C16orf74: variants seen among roughly 807,000 people sequenced by gnomAD.
C16orf74 encodes uncharacterized protein C16orf74.
A neutral mutation model predicts 6.5 loss-of-function variants in C16orf74; 10 were observed. The ratio of observed to expected loss-of-function variants is 1.54; its 90% CI spans 0.95 to 2.61. C16orf74 has a LOEUF of 2.61. Ranked by LOEUF, C16orf74 falls within the 30% of genes most tolerant of loss-of-function variation. C16orf74 has a pLI of 0.00. For missense variants in C16orf74, 141 were observed against 105.9 expected (o/e 1.33, Z -1.45); for synonymous variants, 60 against 42.5 (o/e 1.41, Z -1.60).
intron 1 of C16orf74, among the ~76,000 whole-genome samples, chr16:85,747,969 C>G (rs1240891022): frequency 6.6e-6 from 1 of 151,786 alleles, no homozygotes; most frequent in Non-Finnish European, 1.5e-5. Context: ...TGCCTGTAAT[C>G]CCAGCTACTC....
At position 85,710,144 on chromosome 16, in the gene C16orf74, G is replaced by T. The variant is rs373401837; in HGVS notation, c.172+20C>A. The T allele has an allele frequency of 2.3e-4, 330 of 1,405,510 alleles. 2 individuals are homozygous for T. In the African/African-American group the frequency reaches 4.7e-3, roughly 20 times the overall value. 87.1% of individuals were successfully genotyped at this position (1,405,510 alleles called of 1,614,324 possible). On this transcript the variant is annotated intron_variant, in intron 3 of 3. Coordinates refer to ENST00000284245, the MANE Select transcript of C16orf74 (RefSeq NM_206967.3). Reference sequence around the variant, plus strand: ...GCCCCCACAGCCGACCCGGCTTGGCGGTGGAGGGGACGGCCTCACCTGTGC... The same window carrying T: ...GCCCCCACAGCCGACCCGGCTTGGCTGTGGAGGGGACGGCCTCACCTGTGC...
intron 2 of C16orf74, among the ~76,000 whole-genome samples, chr16:85,720,771 C>CAAA (rs57419341): frequency 2.5e-5 from 2 of 81,474 alleles, no homozygotes; most frequent in Admixed American, 1.4e-4. Flanking sequence ...GATCCTGCCT[C>CAAA]AAAAAAAAAA....
intron 2 of C16orf74, among the ~76,000 whole-genome samples, chr16:85,726,701 T>C (rs1270638210): frequency 6.6e-6 from 1 of 152,106 alleles, no homozygotes. Context: ...TGCTGAAATG[T>C]ATTAGTGGAA....
At chr16:85,717,514 G>T (rs975000787) in intron 2 of C16orf74, among the ~76,000 whole-genome samples, 1 of 152,236 alleles carries the variant, frequency 6.6e-6, no homozygotes, top group African/African-American at 2.4e-5. Flanking sequence ...GGAAGTGCCA[G>T]GTGTGGGGTG....
chr16:85,719,388 A>G (rs2054056729), intron 2 of C16orf74, among the ~76,000 whole-genome samples: 4 of 152,158 alleles, frequency 2.6e-5, no homozygotes, highest in African/African-American at 9.7e-5. Flanking sequence ...CAGTGATTCA[A>G]GCTATCACTG....
intron 2 of C16orf74, among the ~76,000 whole-genome samples, chr16:85,721,709 C>T (rs961212126): frequency 6.6e-6 from 1 of 152,212 alleles, no homozygotes. Flanking sequence ...TTCACTGCAA[C>T]AATAACTGGG....
chr16:85,734,503 C>T lies in C16orf74; in HGVS notation c.28+687G>A, dbSNP rs1408717069. On this transcript the variant is annotated intron_variant, in intron 2 of 3. Coordinates refer to ENST00000284245, the MANE Select transcript of C16orf74 (RefSeq NM_206967.3). ...GAAGCTTGGCACTCACACCACTGGC[C>T]ATGGGACACCTGGAGCCAGAGGCGG... 2.0e-5 allele frequency among the ~76,000 whole-genome samples: 3 copies of T among 152,228 alleles called. No homozygotes were observed. In the South Asian group the frequency reaches 6.2e-4, roughly 32 times the overall value.
chr16:85,709,800 A>G (rs2053949601), intron 3 of C16orf74, among the ~76,000 whole-genome samples: 1 of 152,204 alleles, frequency 6.6e-6, no homozygotes, highest in South Asian at 2.1e-4. Context: ...CTGTCCGGCC[A>G]AACTGCAGCG....
intron 3 of C16orf74, 28 bp downstream of exon 3, chr16:85,710,136 G>T: frequency 7.2e-7 from 1 of 1,396,940 alleles, no homozygotes; most frequent in Non-Finnish European, 9.3e-7. Context: ...CAGCCGACCC[G>T]GCTTGGCGGT....
At chr16:85,732,965 G>C (rs772825908) in intron 2 of C16orf74, among the ~76,000 whole-genome samples, 31 of 152,188 alleles carry the variant, frequency 2.0e-4, no homozygotes, top group Non-Finnish European at 2.9e-5. Context: ...ACTCGTGAGG[G>C]GCCGAGGGTG....
At chr16:85,716,837 T>C (rs1214133616) in intron 2 of C16orf74, among the ~76,000 whole-genome samples, 1 of 152,090 alleles carries the variant, frequency 6.6e-6, no homozygotes, top group African/African-American at 2.4e-5. Flanking sequence ...AAGCCAATGC[T>C]GGGGATTAAA....
intron 1 of C16orf74, among the ~76,000 whole-genome samples, chr16:85,742,567 C>G (rs1198334351): frequency 6.6e-6 from 1 of 152,018 alleles, no homozygotes. Flanking sequence ...TGGAGACACA[C>G]TTTCACTCTT....
At chr16:85,715,147 A>T (rs1044592444) in intron 2 of C16orf74, among the ~76,000 whole-genome samples, 2 of 122,290 alleles carry the variant, frequency 1.6e-5, no homozygotes, top group Non-Finnish European at 3.4e-5. Flanking sequence ...ACAGAGCCAG[A>T]CTCCGTCTCA....
At chr16:85,737,213 C>T (rs1473146311) in intron 1 of C16orf74, among the ~76,000 whole-genome samples, 3 of 152,106 alleles carry the variant, frequency 2.0e-5, no homozygotes, top group African/African-American at 7.2e-5. Flanking sequence ...TCGAGGTTTC[C>T]AGCTAGGCCT....
intron 2 of C16orf74, among the ~76,000 whole-genome samples, chr16:85,721,926 G>C (rs567324707): frequency 6.6e-6 from 1 of 150,478 alleles, no homozygotes; most frequent in Non-Finnish European, 1.5e-5. Context: ...GGTTATCAGC[G>C]CTAACAATTG....
In C16orf74 at chr16:85,735,263, G is replaced by A. The variant is rs12920631; in HGVS notation, c.-18-28C>T. The A allele has an allele frequency of 9.1e-6, 14 of 1,534,356 alleles. No homozygotes were observed. The Admixed American group carries it at 2.0e-4, about 22-fold the overall frequency. On this transcript the variant is annotated intron_variant, in intron 1 of 3. Transcript: ENST00000284245. ...GTGGAGAGAGGACAGCGCTGAGAGA[G>A]GGGAGGGCGCGACTTGTTTGTATTG...
At chr16:85,735,331 A>G in intron 1 of C16orf74, 96 bp from the exon 2 acceptor site, 1 of 715,474 alleles carries the variant, frequency 1.4e-6, no homozygotes, top group South Asian at 3.0e-5. Context: ...TGATGAGTGC[A>G]AAACAGGAGG....
intron 2 of C16orf74, among the ~76,000 whole-genome samples, chr16:85,719,170 G>T (rs2054054273): frequency 6.6e-6 from 1 of 152,232 alleles, no homozygotes; most frequent in South Asian, 2.1e-4. Flanking sequence ...CTGAGCCTGG[G>T]CCAGGGAGGT....
At chr16:85,740,366 C>A (rs1347501286) in intron 1 of C16orf74, among the ~76,000 whole-genome samples, 1 of 150,614 alleles carries the variant, frequency 6.6e-6, no homozygotes, top group Non-Finnish European at 1.5e-5. Context: ...ACCAGCCTGG[C>A]CAACATGGTG....
Sources: allele counts gnomAD v4.1 joint callset (sites outside exome capture counted in the v4.1 genomes callset), GRCh38; gene constraint gnomAD v4.1.1; transcripts MANE v1.5; gene names NCBI Gene and HGNC (gene_info 2026-07-23, HGNC 2026-07-21).